VAV1: variants seen among roughly 807,000 people sequenced by gnomAD.
The protein encoded by VAV1 is proto-oncogene vav.
VAV1 carries 33 observed loss-of-function variants against 128.1 expected under a neutral mutation model. That is an observed-to-expected ratio of 0.26 (90% CI 0.20 to 0.34). VAV1 has a LOEUF of 0.34. Among genes scored for constraint, VAV1 ranks in the 10% least tolerant of loss-of-function variants. The pLI is 1.00. For synonymous variants in VAV1, 394 were observed against 409.8 expected (o/e 0.96, Z 0.47); for missense variants, 715 against 1,093.7 (o/e 0.65, Z 4.88).
chr19:6,776,944 A>G (rs1970656333), intron 1 of VAV1, among the ~76,000 whole-genome samples: 2 of 151,950 alleles, frequency 1.3e-5, no homozygotes, highest in South Asian at 2.1e-4. Flanking sequence ...TTTAGTAGAG[A>G]TGGGGTTTCA....
intron 1 of VAV1, among the ~76,000 whole-genome samples, chr19:6,800,066 G>A (rs1157637491): frequency 6.6e-6 from 1 of 151,868 alleles, no homozygotes; most frequent in Non-Finnish European, 1.5e-5. Context: ...GGGGAACTGA[G>A]GCGGGAGGAT....
Position 6,836,575 on chromosome 19 carries a change from G to A in VAV1, c.1914+7G>A, listed in dbSNP as rs1275915429. ...TGAACAGAACTGGTGGGAGGTACAG[G>A]CTGGGGCCACAAGAGTGATGGGGTG... On this transcript the variant is annotated splice_region_variant and intron_variant, in intron 20 of 26. Transcript: ENST00000602142. 1 of 1,613,860 alleles carries A rather than the reference G, an allele frequency of 6.2e-7. No homozygotes were observed.
chr19:6,786,526 T>C (rs904084070), intron 1 of VAV1, among the ~76,000 whole-genome samples: 2 of 152,150 alleles, frequency 1.3e-5, no homozygotes, highest in Non-Finnish European at 2.9e-5. Flanking sequence ...CTCACGCCTG[T>C]AATCTTAAGA....
chr19:6,783,141 C>T (rs1386617030), intron 1 of VAV1, among the ~76,000 whole-genome samples: 2 of 152,156 alleles, frequency 1.3e-5, no homozygotes. Flanking sequence ...GATCATGCCA[C>T]TGCACTCCAG....
chr19:6,819,400 CT>C (rs773492747), intron 1 of VAV1, among the ~76,000 whole-genome samples: 2 of 152,208 alleles, frequency 1.3e-5, no homozygotes, highest in Non-Finnish European at 2.9e-5. Context: ...CTACTGACAC[CT>C]TGATCTTGGA....
chr19:6,819,663 C>T (rs989264933), intron 1 of VAV1, among the ~76,000 whole-genome samples: 8 of 152,156 alleles, frequency 5.3e-5, no homozygotes, highest in African/African-American at 1.4e-4. Flanking sequence ...ACTCTACTGA[C>T]GAGTCTGCTT....
At chr19:6,785,685 A>T in intron 1 of VAV1, among the ~76,000 whole-genome samples, 1 of 105,528 alleles carries the variant, frequency 9.5e-6, no homozygotes. Flanking sequence ...TTTGAGATAG[A>T]GTCTTGCTCT....
rs566517713 is a variant in VAV1, at chr19:6,844,807, C to A, written c.2012+1641C>A. On this transcript the variant is annotated intron_variant, in intron 22 of 26. Transcript: ENST00000602142. ...CGTGGGTGCAAGATTTAAGGGGACG[C>A]TGAAAATCTCAGTCATTAAGGTCCA... Among the ~76,000 whole-genome samples, 3 of 151,908 alleles carry A rather than the reference C, an allele frequency of 2.0e-5. No individual in the cohort carries two copies. The East Asian group carries it at 5.8e-4, about 29-fold the overall frequency.
intron 1 of VAV1, among the ~76,000 whole-genome samples, chr19:6,802,361 T>C (rs1426688036): frequency 6.6e-6 from 1 of 151,956 alleles, no homozygotes; most frequent in African/African-American, 2.4e-5. Flanking sequence ...TTAAAAAAAA[T>C]AAAGGACCTC....
chr19:6,784,131 A>C, intron 1 of VAV1: 1 of 516,416 alleles, frequency 1.9e-6, no homozygotes, highest in Non-Finnish European at 3.5e-6. Context: ...GTGCACGCCT[A>C]TAGTCTCAGC....
At position 6,850,745 on chromosome 19, in the gene VAV1, C is replaced by T. The variant is rs575229857; in HGVS notation, c.2205C>T (p.Phe735=). 9.3e-6 allele frequency: 15 copies of T among 1,614,020 alleles called. No homozygotes were observed. In the South Asian group the frequency reaches 1.4e-4, roughly 15 times the overall value. ...GLYRITEKKA[F]RGLTELVEFY... ...ACCGGATCACAGAGAAAAAGGCTTT[C>T]CGGGGGCTTACGGTAAGGGTCAATG... Residue 735 remains phenylalanine (F), a synonymous_variant, in exon 24 of 27, where the codon TTC becomes TTT. Transcript: ENST00000602142.
At chr19:6,848,382 C>T (rs557106834) in intron 23 of VAV1, among the ~76,000 whole-genome samples, 19 of 151,810 alleles carry the variant, frequency 1.3e-4, no homozygotes, top group African/African-American at 4.6e-4. Context: ...TCGCCCTGAC[C>T]TTTCTTTTTT....
chr19:6,797,914 A>G (rs1971174790), intron 1 of VAV1, among the ~76,000 whole-genome samples: 1 of 151,694 alleles, frequency 6.6e-6, no homozygotes, highest in African/African-American at 2.4e-5. Flanking sequence ...AAGACACAGC[A>G]GGGCAGCCAG....
At chr19:6,789,435 T>A (rs1174439507) in intron 1 of VAV1, among the ~76,000 whole-genome samples, 2 of 152,086 alleles carry the variant, frequency 1.3e-5, no homozygotes, top group Admixed American at 6.6e-5. Context: ...TATATTTTCG[T>A]AGAGATGGGG....
At chr19:6,780,004 G>C (rs916718689) in intron 1 of VAV1, among the ~76,000 whole-genome samples, 2 of 148,588 alleles carry the variant, frequency 1.3e-5, no homozygotes, top group African/African-American at 4.9e-5. Flanking sequence ...CCAGCTACTC[G>C]GGAGGCTGAA....
intron 1 of VAV1, among the ~76,000 whole-genome samples, chr19:6,800,777 A>T: frequency 7.8e-6 from 1 of 128,606 alleles, no homozygotes; most frequent in African/African-American, 2.9e-5. Flanking sequence ...GCCTGTCACC[A>T]CGCCTGGCAA....
Position 6,822,103 on chromosome 19 carries a change from T to A in VAV1, c.450-118T>A. ...AGCTTGGAGGGACATGGCCTGCCCT[T>A]GGAGTCTGAGGTCCCACCCTTGGAG... On this transcript the variant is annotated intron_variant, in intron 4 of 26. Coordinates refer to ENST00000602142, the MANE Select transcript of VAV1 (RefSeq NM_005428.4). The surrounding 1 kb of genome is among the most constrained non-coding windows in gnomAD (Gnocchi z 5.9). The A allele has an allele frequency of 9.0e-7, 1 of 1,109,818 alleles. No homozygotes were observed. Among genetic ancestry groups the A allele is most frequent in the Non-Finnish European group, 1.3e-6 (1 of 763,378 alleles). 68.7% of individuals were successfully genotyped at this position (1,109,818 alleles called of 1,614,324 possible).
chr19:6,788,614 C>G (rs931215441), intron 1 of VAV1, among the ~76,000 whole-genome samples: 1 of 152,120 alleles, frequency 6.6e-6, no homozygotes, highest in Non-Finnish European at 1.5e-5. Context: ...CTCACGTGAT[C>G]TGCCCACCTC....
chr19:6,852,250 A>G (rs1187798803), intron 24 of VAV1, among the ~76,000 whole-genome samples: 2 of 152,162 alleles, frequency 1.3e-5, no homozygotes, highest in Admixed American at 1.3e-4. Context: ...CTTGGCTTCA[A>G]GTGAACTTCC....
Sources: allele counts gnomAD v4.1 joint callset (sites outside exome capture counted in the v4.1 genomes callset), GRCh38; gene constraint gnomAD v4.1.1; non-coding constraint Gnocchi (gnomAD v3.1); transcripts MANE v1.5; gene names NCBI Gene and HGNC (gene_info 2026-07-23, HGNC 2026-07-21).